Variants in PTK2B observed in about 807,000 individuals in gnomAD.
PTK2B encodes protein tyrosine kinase 2 beta.
PTK2B carries 71 observed loss-of-function variants against 142.9 expected under a neutral mutation model. That is an observed-to-expected ratio of 0.50 (90% CI 0.41 to 0.61). The LOEUF is 0.61. Among genes scored for constraint, PTK2B ranks in the 20% least tolerant of loss-of-function variants. The probability of loss-of-function intolerance (pLI) is 0.00; values close to 1 mark genes in which losing one functional copy is unlikely to be tolerated. For missense variants in PTK2B, 1,105 were observed against 1,320.4 expected (o/e 0.84, Z 2.53); for synonymous variants, 519 against 503.4 (o/e 1.03, Z -0.42).
intron 23 of PTK2B, 135 bp downstream of exon 23, chr8:27,444,406 C>T (rs1811340465): frequency 8.7e-6 from 8 of 915,338 alleles, no homozygotes; most frequent in Non-Finnish European, 1.0e-5. Flanking sequence ...TCTTCTTTGG[C>T]ACCCAGAACA....
rs746742202 is a variant in PTK2B at position 27,451,456 on chromosome 8, G to A, written c.2524-29G>A. 111 of 1,613,520 alleles carry A rather than the reference G, an allele frequency of 6.9e-5. 1 individual carries two copies. Among genetic ancestry groups the A allele is most frequent in the Admixed American group, 1.5e-4 (9 of 59,930 alleles). ...TTGTCTCCACAGCCGCATGAGTGAC[G>A]TTCCTGTTCTCTTTCCTCCTTCCTC... On this transcript the variant is annotated intron_variant, in intron 26 of 30. Coordinates refer to ENST00000346049, the MANE Select transcript of PTK2B (RefSeq NM_173176.3).
intron 1 of PTK2B, among the ~76,000 whole-genome samples, chr8:27,371,545 T>TTATATATATATATATATATATATATA (rs148359194): frequency 2.7e-5 from 4 of 147,462 alleles, no homozygotes; most frequent in African/African-American, 1.0e-4. Context: ...TTTTTATTAT[T>TTATATATATATATATATATATATATA]TATATATATA....
chr8:27,321,808 G>GA (rs1417201828), upstream of PTK2B, among the ~76,000 whole-genome samples: 2 of 152,186 alleles, frequency 1.3e-5, no homozygotes, highest in Non-Finnish European at 2.9e-5. Flanking sequence ...ATTAAGGAAA[G>GA]AAAAGAGAAA....
chr8:27,369,669 C>G (rs1421582535), intron 1 of PTK2B, among the ~76,000 whole-genome samples: 2 of 150,886 alleles, frequency 1.3e-5, no homozygotes, highest in African/African-American at 2.4e-5. Context: ...GACTCCATCT[C>G]AAAAACAAAA....
chr8:27,457,976 A>G (rs1487177114), intron 30 of PTK2B, among the ~76,000 whole-genome samples: 1 of 23,690 alleles, frequency 4.2e-5, no homozygotes, highest in Non-Finnish European at 9.5e-5. Context: ...ACTCAGTCTC[A>G]AAAAAAAAAA....
chr8:27,394,326 A>G (rs1391659096), intron 1 of PTK2B, among the ~76,000 whole-genome samples: 3 of 152,216 alleles, frequency 2.0e-5, no homozygotes, highest in Admixed American at 1.3e-4. Context: ...AGCCTAGACT[A>G]TATGGTATAG....
intron 21 of PTK2B, 53 bp from the exon 22 acceptor site, chr8:27,442,822 G>T: frequency 6.7e-7 from 1 of 1,485,476 alleles, no homozygotes; most frequent in South Asian, 1.1e-5. Flanking sequence ...GAGCCCCAAG[G>T]AGCGTCTCAC....
At chr8:27,376,948 T>C (rs184616602) in intron 1 of PTK2B, among the ~76,000 whole-genome samples, 1 of 152,326 alleles carries the variant, frequency 6.6e-6, no homozygotes, top group African/African-American at 2.4e-5. Context: ...CAATTCTTTC[T>C]TGTGTGAGAT....
intron 2 of PTK2B, among the ~76,000 whole-genome samples, chr8:27,412,966 A>T (rs2043066): frequency 0.85 from 129,363 of 151,974 alleles, 55,801 homozygotes; most frequent in Middle Eastern, 0.95. Flanking sequence ...TTACTTCTCA[A>T]GTGGCTGGGA....
intron 9 of PTK2B, 51 bp from the exon 10 acceptor site, chr8:27,432,209 G>A (rs368879406): frequency 2.6e-6 from 4 of 1,561,694 alleles, no homozygotes; most frequent in Non-Finnish European, 3.5e-6. Context: ...AATCTGCATG[G>A]CCTAGTCCTG....
At chr8:27,319,643 CA>C (rs35156739) in intron 3 of PTK2B, among the ~76,000 whole-genome samples, 23,075 of 88,186 alleles carry the variant, frequency 0.26, 1,363 homozygotes, top group Middle Eastern at 0.45. Context: ...GACTCTGTCT[CA>C]AAAAAAAAAA....
At chr8:27,401,695 C>T (rs1476211681) in intron 2 of PTK2B, among the ~76,000 whole-genome samples, 1 of 152,106 alleles carries the variant, frequency 6.6e-6, no homozygotes, top group African/African-American at 2.4e-5. Flanking sequence ...TTATGGGAAG[C>T]CACTGATATA....
rs552104821 is a variant in PTK2B at position 27,364,609 on chromosome 8, A to G, written c.-37-32939A>G. Among the ~76,000 whole-genome samples the G allele has an allele frequency of 1.5e-4, 23 of 152,276 alleles. No individual in the cohort carries two copies. In the South Asian group the frequency reaches 3.7e-3, roughly 25 times the overall value. ...GGGACTGAACAGAATTTTGCCATGA[A>G]TTCTTGAGCTACAGTTAAGCAAGCA... On this transcript the variant is annotated intron_variant, in intron 1 of 30. Transcript: ENST00000346049.
At chr8:27,365,945 C>A (rs1805995793) in intron 1 of PTK2B, among the ~76,000 whole-genome samples, 1 of 152,240 alleles carries the variant, frequency 6.6e-6, no homozygotes, top group African/African-American at 2.4e-5. Flanking sequence ...GCATTTCAAA[C>A]AGAACCACTA....
intron 2 of PTK2B, among the ~76,000 whole-genome samples, chr8:27,398,730 C>T (rs532720543): frequency 1.6e-4 from 25 of 152,338 alleles, no homozygotes; most frequent in African/African-American, 5.8e-4. Context: ...GAGCCATCTC[C>T]AGCTCATAGC....
chr8:27,376,754 A>T (rs758449662), intron 1 of PTK2B, among the ~76,000 whole-genome samples: 2 of 152,198 alleles, frequency 1.3e-5, no homozygotes, highest in Non-Finnish European at 2.9e-5. Context: ...AATTACCCTG[A>T]TCTAAAATTT....
chr8:27,334,712 G>A (rs528544417), intron 1 of PTK2B, among the ~76,000 whole-genome samples: 3 of 152,224 alleles, frequency 2.0e-5, no homozygotes, highest in East Asian at 1.9e-4. Context: ...TGGCTCACAC[G>A]GAGTGAGCCA....
At chr8:27,339,539 A>G (rs533599350) in intron 1 of PTK2B, among the ~76,000 whole-genome samples, 2 of 152,192 alleles carry the variant, frequency 1.3e-5, no homozygotes, top group Non-Finnish European at 2.9e-5. Flanking sequence ...ACTGGGCAAG[A>G]AGGTAAGAAA....
In PTK2B at chr8:27,395,041, C is replaced by T. The variant is rs112808202; in HGVS notation, c.-37-2507C>T. Among the ~76,000 whole-genome samples the T allele has an allele frequency of 8.5e-3, 1,291 of 152,026 alleles. 17 individuals are homozygous for T. The highest frequency in any genetic ancestry group is 0.03 in the African/African-American group (1,251 of 41,458). ...CTTCTTCTGGATACCCCCTGAAGGA[C>T]CTGGCTGAGGCTGTTTTACAGTTAA... is the stretch of plus-strand genomic sequence containing the variant. On this transcript the variant is annotated intron_variant, in intron 1 of 30. Transcript: ENST00000346049.
Sources: allele counts gnomAD v4.1 joint callset (sites outside exome capture counted in the v4.1 genomes callset), GRCh38; gene constraint gnomAD v4.1.1; transcripts MANE v1.5; gene names NCBI Gene and HGNC (gene_info 2026-07-23, HGNC 2026-07-21).